ZNF318: variants seen among roughly 807,000 people sequenced by gnomAD.
ZNF318 encodes the protein endocrine regulator.
A neutral mutation model predicts 124.2 loss-of-function variants in ZNF318; 51 were observed. That is an observed-to-expected ratio of 0.41 (90% CI 0.33 to 0.52). ZNF318 has a LOEUF of 0.52. ZNF318 is among the 20% of genes least tolerant of loss of function. The pLI is 0.23. For synonymous variants in ZNF318, 1,090 were observed against 1,040.7 expected, an observed-to-expected ratio of 1.05 and a Z score of -0.91; for missense variants, 2,815 against 2,811.2, an observed-to-expected ratio of 1.00 and a Z score of -0.03.
intron 4 of ZNF318, among the ~76,000 whole-genome samples, chr6:43,354,118 C>T (rs1276634610): frequency 6.6e-6 from 1 of 152,130 alleles, no homozygotes; most frequent in Non-Finnish European, 1.5e-5. Context: ...CACACACACA[C>T]ACGTAATTTT....
Position 43,352,422 on chromosome 6 carries a change from T to C in ZNF318, c.2725A>G (p.Met909Val), listed in dbSNP as rs771425743. 1.7e-5 allele frequency: 27 copies of C among 1,614,048 alleles called. No individual in the cohort carries two copies. Among genetic ancestry groups the C allele is most frequent in the Non-Finnish European group, 2.1e-5 (25 of 1,180,016 alleles). The change falls in exon 5 of 10, where the codon ATG (methionine) becomes GTG (valine). Residue 909 changes from methionine (M) to valine (V), a missense_variant. Physicochemically the swap from Met to Val is conservative, Grantham distance 21. This residue lies in a region of ZNF318 where 1,377 missense variants were observed against 1,353.5 expected (regional missense o/e 1.02). Transcript: ENST00000361428. The part of the protein sequence containing the change: ...KNDREARQKK[M>V]YYLRTELERL... ...TCTAACTCGGTCCTAAGATAGTACA[T>C]CTTCTTCTGGCGGGCTTCCCGGTCA... is the stretch of plus-strand genomic sequence containing the variant.
chr6:43,348,737 A>C, intron 5 of ZNF318, 112 bp from the exon 6 acceptor site: 2 of 1,301,092 alleles, frequency 1.5e-6, no homozygotes, highest in Non-Finnish European at 2.1e-6. Flanking sequence ...TTTGCCCACA[A>C]ACGTTTCTAA....
At chr6:43,358,047 C>T (rs115787483) in intron 2 of ZNF318, among the ~76,000 whole-genome samples, 2,739 of 152,322 alleles carry the variant, frequency 0.018, 40 homozygotes, top group Middle Eastern at 0.058. Flanking sequence ...CACAACTCCA[C>T]ACAAGCTAAA....
Position 43,340,191 on chromosome 6 carries a change from T to C in ZNF318, c.3807A>G (p.Thr1269=), listed in dbSNP as rs1316151210. The C allele has an allele frequency of 1.2e-5, 20 of 1,614,074 alleles. No homozygotes were observed. Among genetic ancestry groups the C allele is most frequent in the Admixed American group, 1.7e-5 (1 of 60,002 alleles). Residue 1269 remains threonine, a synonymous_variant, in exon 10 of 10, where the codon ACA becomes ACG. Coordinates refer to ENST00000361428, the MANE Select transcript of ZNF318 (RefSeq NM_014345.3). The part of the protein sequence containing the change: ...LKEEVKKESP[T]SSSFGKFSWK... ...AGCTGAATTTCCCAAAAGAAGATGATGTTGGTGATTCCTTCTTTACCTCTT... is the reference window on the plus strand; with the variant it reads ...AGCTGAATTTCCCAAAAGAAGATGACGTTGGTGATTCCTTCTTTACCTCTT...
chr6:43,337,713 C>A lies in ZNF318; in HGVS notation c.6285G>T (p.Arg2095Ser). The A allele has an allele frequency of 6.2e-7, 1 of 1,614,134 alleles. No individual in the cohort carries two copies. The highest frequency in any genetic ancestry group is 8.5e-7 in the Non-Finnish European group (1 of 1,180,024). Residue 2095 changes from arginine (R) to serine (S), a missense_variant, in exon 10 of 10, where the codon AGG (arginine) becomes AGT (serine). Arg to Ser is a moderately radical substitution (Grantham distance 110, BLOSUM62 -1). Around this residue, in one of 4 missense-constraint regions of ZNF318, gnomAD observed 927 missense variants for 820.6 expected, o/e 1.13. Coordinates refer to ENST00000361428, the MANE Select transcript of ZNF318 (RefSeq NM_014345.3). ...TEGERNSPNP[R>S]SVRIPSPNIL... is the part of the protein sequence containing the mutation. ...TGTTAGGAGAAGGGATCCTAACACT[C>A]CTGGGATTAGGTGAGTTTCGTTCAC...
In ZNF318 at chr6:43,339,388, C is replaced by T. The variant is rs747898735; in HGVS notation, c.4610G>A (p.Arg1537His). 9 of 1,611,844 alleles carry T rather than the reference C, an allele frequency of 5.6e-6. No homozygotes were observed. Among genetic ancestry groups the T allele is most frequent in the South Asian group, 2.2e-5 (2 of 90,996 alleles). The change falls in exon 10 of 10, where the codon CGT becomes CAT. Residue 1537 changes from arginine (R) to histidine (H), a missense_variant. Physicochemically the swap from Arg to His is conservative, Grantham distance 29. This residue lies in a region of ZNF318 where 500 missense variants were observed against 605.2 expected (regional missense o/e 0.83). Transcript: ENST00000361428. This position sits in a 1 kb window ranked among gnomAD's most constrained non-coding sequence, Gnocchi z 4.2. ...RDQTLFSVLV[R>H]PPPPLSSVFS... ...CACACTTGAGAGGGGTGGTGGAGGA[C>T]GTACTAACACAGAGAACAGGGTCTG... is the stretch of plus-strand genomic sequence containing the variant.
chr6:43,346,619 A>G (rs1779451073), intron 6 of ZNF318, among the ~76,000 whole-genome samples: 1 of 152,132 alleles, frequency 6.6e-6, no homozygotes, highest in Non-Finnish European at 1.5e-5. Context: ...TTACAAAGAA[A>G]CAAATTACAG....
At position 43,369,189 on chromosome 6, in the gene ZNF318, C is replaced by A; in HGVS notation, c.177G>T (p.Ser59=). ...CCCGGCGGCCGCGGTGCCCTGAGGG[C>A]GAGCGGGGTCGGCGAGCCGGGGTCC... is the stretch of plus-strand genomic sequence containing the variant. The part of the protein sequence containing the change: ...SSRTPARRPR[S]PSGHRGRRAS... Residue 59 remains serine, a synonymous_variant, in exon 1 of 10, where the codon TCG becomes TCT. Coordinates refer to ENST00000361428, the MANE Select transcript of ZNF318 (RefSeq NM_014345.3). 8.3e-7 allele frequency: 1 copy of A among 1,211,720 alleles called. No homozygotes were observed. Among genetic ancestry groups the A allele is most frequent in the Non-Finnish European group, 1.0e-6 (1 of 976,760 alleles). The allele number at this position is 1,211,720 out of a possible 1,614,324, so 75.1% of individuals were successfully genotyped here.
chr6:43,368,439 T>C (rs1348772395), intron 1 of ZNF318, among the ~76,000 whole-genome samples: 3 of 152,244 alleles, frequency 2.0e-5, no homozygotes, highest in African/African-American at 7.2e-5. Context: ...GCAGTGACTG[T>C]GGTCCTGCAC....
chr6:43,348,179 G>T (rs1779475090), intron 6 of ZNF318, 145 bp downstream of exon 6: 1 of 789,780 alleles, frequency 1.3e-6, no homozygotes. Context: ...TTCTGAAGAG[G>T]AGTACCACAC....
At chr6:43,368,930 G>A (rs778631164) in intron 1 of ZNF318, 37 bp downstream of exon 1, 9 of 1,339,044 alleles carry the variant, frequency 6.7e-6, no homozygotes, top group Non-Finnish European at 8.6e-6. Context: ...GAGGGGACTG[G>A]GGGATGGAGG....
At chr6:43,358,714 T>C (rs1237748987) in intron 2 of ZNF318, among the ~76,000 whole-genome samples, 2 of 152,094 alleles carry the variant, frequency 1.3e-5, no homozygotes, top group African/African-American at 4.8e-5. Context: ...ACCACCATGC[T>C]GGCTGACTTT....
At chr6:43,349,699 C>G (rs1424247034) in intron 5 of ZNF318, among the ~76,000 whole-genome samples, 3 of 152,118 alleles carry the variant, frequency 2.0e-5, no homozygotes, top group African/African-American at 7.2e-5. Flanking sequence ...TTGTTATGTT[C>G]TTTTCCTCAC....
chr6:43,353,470 G>A (rs949251765), intron 4 of ZNF318, among the ~76,000 whole-genome samples: 2 of 151,676 alleles, frequency 1.3e-5, no homozygotes, highest in Non-Finnish European at 2.9e-5. Context: ...CATCTCCTAG[G>A]TTCAAGCAAT....
intron 5 of ZNF318, among the ~76,000 whole-genome samples, chr6:43,352,150 T>C (rs1326134974): frequency 1.7e-5 from 1 of 59,380 alleles, no homozygotes; most frequent in African/African-American, 1.8e-4. Context: ...TCTCAAATCA[T>C]CATCATCATC....
At chr6:43,341,792 G>A (rs986731588) in intron 8 of ZNF318, among the ~76,000 whole-genome samples, 1 of 152,092 alleles carries the variant, frequency 6.6e-6, no homozygotes, top group African/African-American at 2.4e-5. Context: ...TGCATCTCCT[G>A]TCCTTTTTAA....
chr6:43,336,982 G>A lies in ZNF318; in HGVS notation c.*176C>T, dbSNP rs1779288568. The A allele has an allele frequency of 1.1e-5, 5 of 446,558 alleles. No individual in the cohort carries two copies. The highest frequency in any genetic ancestry group is 1.9e-5 in the Non-Finnish European group (5 of 258,240). The allele number at this position is 446,558 out of a possible 1,614,324, so 27.7% of individuals were successfully genotyped here. ...ATCGATTTGTCTGGTGTTTTAAGGG[G>A]AAAGGGAAAAGGAAAGGAGGTAAAT... On this transcript the variant is annotated 3_prime_UTR_variant, in exon 10 of 10. Transcript: ENST00000361428.
chr6:43,340,814 A>T lies in ZNF318; in HGVS notation c.3471T>A (p.Gly1157=), dbSNP rs540200840. ...CCTTGTATTTCTCATTGTGTTGGTG[A>T]CCCTTCACATGTTGCTCCCCAGAAA... The part of the protein sequence containing the change: ...DPISGEQHVK[G]HQHNEKYKKY... The change falls in exon 9 of 10, where the codon GGT becomes GGA. Residue 1157 remains glycine, a synonymous_variant. Coordinates refer to ENST00000361428, the MANE Select transcript of ZNF318 (RefSeq NM_014345.3). 2.5e-6 allele frequency: 4 copies of T among 1,613,842 alleles called. No homozygotes were observed. In the Admixed American group the frequency reaches 6.7e-5, roughly 27 times the overall value.
chr6:43,342,092 G>A lies in ZNF318; in HGVS notation c.3376+20C>T, dbSNP rs148077690. 3.0e-5 allele frequency: 49 copies of A among 1,609,888 alleles called. No homozygotes were observed. The East Asian group carries it at 1.0e-3, about 34-fold the overall frequency. On this transcript the variant is annotated intron_variant, in intron 8 of 9. Transcript: ENST00000361428. Reference sequence around the variant, plus strand: ...AACTGAATGTAAGGAAACCACAAAGGTGGCAAAAAGGAAACATACCTTTTG... The same window carrying A: ...AACTGAATGTAAGGAAACCACAAAGATGGCAAAAAGGAAACATACCTTTTG...
Sources: gnomAD v4.1 joint callset for allele counts (sites outside exome capture counted in the v4.1 genomes callset) on GRCh38, gnomAD v4.1.1 for gene constraint, gnomAD v4.1.1 regional missense constraint, Gnocchi (gnomAD v3.1) non-coding constraint, MANE v1.5 for transcripts, NCBI Gene and HGNC (gene_info 2026-07-23, HGNC 2026-07-21) for gene names.